SLC43A1: variants seen among roughly 807,000 people sequenced by gnomAD.
The protein encoded by SLC43A1 is large neutral amino acids transporter small subunit 3.
Under a neutral mutation model 59.5 loss-of-function variants are expected in SLC43A1, and 31 were observed. That is an observed-to-expected ratio of 0.52 (90% CI 0.39 to 0.70). The LOEUF is 0.70. SLC43A1 is among the 30% of genes least tolerant of loss of function. SLC43A1 has a pLI of 0.00. For missense variants in SLC43A1, 598 were observed against 717.8 expected (o/e 0.83, Z 1.91); for synonymous variants, 259 against 290.9 (o/e 0.89, Z 1.12).
At chr11:57,492,536 G>GTATATA (rs71061509) in intron 8 of SLC43A1, among the ~76,000 whole-genome samples, 87 of 79,826 alleles carry the variant, frequency 1.1e-3, no homozygotes, top group African/African-American at 3.0e-3. Flanking sequence ...ATAATTTTGT[G>GTATATA]TATATATATA....
intron 7 of SLC43A1, chr11:57,494,463 C>G (rs1944018569): frequency 2.4e-6 from 1 of 423,162 alleles, no homozygotes. Context: ...CAGCCTGCGT[C>G]CAACCTAAGA....
At position 57,506,299 on chromosome 11, in the gene SLC43A1, C is replaced by T. The variant is rs573921058; in HGVS notation, c.155-4970G>A. On this transcript the variant is annotated intron_variant, in intron 2 of 14. Transcript: ENST00000278426. ...AGGTGGAGGACGCAATGAGCTGAGACCACACCATTGCAGTCCAGCTTGGGT... is the reference window on the plus strand; with the variant it reads ...AGGTGGAGGACGCAATGAGCTGAGATCACACCATTGCAGTCCAGCTTGGGT... Among the ~76,000 whole-genome samples the T allele has an allele frequency of 3.3e-5, 5 of 151,716 alleles. No individual in the cohort carries two copies. In the East Asian group the frequency reaches 7.8e-4, roughly 24 times the overall value.
intron 2 of SLC43A1, among the ~76,000 whole-genome samples, chr11:57,508,769 GACAGAGTGAGAC>G (rs1337740418): frequency 6.6e-6 from 1 of 151,992 alleles, no homozygotes; most frequent in Admixed American, 6.6e-5. Context: ...CTGCCTAGCT[GACAGAGTGAGAC>G]CCTATCTCAA....
chr11:57,497,982 G>A, intron 5 of SLC43A1, 137 bp from the exon 6 acceptor site: 1 of 624,196 alleles, frequency 1.6e-6, no homozygotes, highest in South Asian at 2.2e-5. Flanking sequence ...AATCAATGTG[G>A]GAAACTGTAC....
chr11:57,485,553 C>T (rs113867787), intron 14 of SLC43A1, among the ~76,000 whole-genome samples: 2 of 152,136 alleles, frequency 1.3e-5, no homozygotes, highest in Non-Finnish European at 2.9e-5. Flanking sequence ...AGGCTGCTCC[C>T]GAAATGGGGC....
intron 14 of SLC43A1, 100 bp downstream of exon 14, chr11:57,486,995 C>T: frequency 7.5e-7 from 1 of 1,341,074 alleles, no homozygotes; most frequent in Non-Finnish European, 1.1e-6. Context: ...TCTGAGGTGC[C>T]TCTGGCTGAG....
chr11:57,505,940 C>T (rs1357382295), intron 2 of SLC43A1, among the ~76,000 whole-genome samples: 1 of 152,198 alleles, frequency 6.6e-6, no homozygotes, highest in African/African-American at 2.4e-5. Context: ...CACATACACA[C>T]ACAGCGAACA....
Position 57,497,862 on chromosome 11 carries a change from G to T in SLC43A1, c.466-17C>A. 2 of 1,604,158 alleles carry T rather than the reference G, an allele frequency of 1.2e-6. No individual in the cohort carries two copies. Among genetic ancestry groups the T allele is most frequent in the Middle Eastern group, 2.0e-4 (1 of 5,092 alleles). On this transcript the variant is annotated splice_polypyrimidine_tract_variant and intron_variant, in intron 5 of 14. Transcript: ENST00000278426. ...GTTGGGCAGCTGAGGAGGGAAAGCA[G>T]CACCCATGAGGTGGGGACACCGTGA... is the stretch of plus-strand genomic sequence containing the variant.
chr11:57,491,105 AC>A (rs1400762669), intron 11 of SLC43A1, 118 bp downstream of exon 11: 1 of 1,252,334 alleles, frequency 8.0e-7, no homozygotes, highest in Non-Finnish European at 1.1e-6. Context: ...ATGGGGAGGT[AC>A]CCCTGATCTC....
chr11:57,512,368 G>A (rs1944570178), intron 2 of SLC43A1, among the ~76,000 whole-genome samples: 2 of 152,034 alleles, frequency 1.3e-5, no homozygotes, highest in Non-Finnish European at 1.5e-5. Flanking sequence ...GAGCCGGGTG[G>A]GTGACTTGAG....
In SLC43A1 at chr11:57,493,993, T is replaced by A; in HGVS notation, c.871A>T (p.Arg291Trp). Residue 291 changes from arginine (R) to tryptophan (W), a missense_variant and splice_region_variant, in exon 8 of 15, where the codon AGG (arginine) becomes TGG (tryptophan). Physicochemically the swap from Arg to Trp is moderately radical, Grantham distance 101 (BLOSUM62 -3). Coordinates refer to ENST00000278426, the MANE Select transcript of SLC43A1 (RefSeq NM_003627.6). ...VRGTSENLPE[R>W]SVPLRKSLCS... ...GCCGGCACCTTGACCAGACACTCAC[T>A]CTCAGGAAGGTTTTCTGAGGTGCCC... 6.3e-7 allele frequency: 1 copy of A among 1,587,448 alleles called. No homozygotes were observed. Among genetic ancestry groups the A allele is most frequent in the Non-Finnish European group, 8.6e-7 (1 of 1,168,376 alleles).
chr11:57,491,160 C>A, intron 11 of SLC43A1, 64 bp downstream of exon 11: 2 of 1,467,768 alleles, frequency 1.4e-6, no homozygotes, highest in Non-Finnish European at 1.8e-6. Flanking sequence ...GATGTAAACG[C>A]ACAGAGAAAA....
intron 2 of SLC43A1, among the ~76,000 whole-genome samples, chr11:57,512,321 G>C (rs1489207373): frequency 9.2e-5 from 14 of 152,164 alleles, no homozygotes; most frequent in Admixed American, 9.2e-4. Flanking sequence ...GCCAAGAGTG[G>C]TGGCTCATGT....
chr11:57,504,153 C>T (rs1944338665), intron 2 of SLC43A1, among the ~76,000 whole-genome samples: 1 of 152,042 alleles, frequency 6.6e-6, no homozygotes, highest in Non-Finnish European at 1.5e-5. Context: ...GCCGAGATCG[C>T]GCCACTGCAC....
intron 6 of SLC43A1, among the ~76,000 whole-genome samples, chr11:57,497,545 CAG>C (rs1944122897): frequency 6.6e-6 from 1 of 152,188 alleles, no homozygotes; most frequent in South Asian, 2.1e-4. Context: ...ACGTGAGTGA[CAG>C]AGTACAGAGA....
chr11:57,513,691 C>T (rs973585451), intron 2 of SLC43A1, among the ~76,000 whole-genome samples: 4 of 152,218 alleles, frequency 2.6e-5, no homozygotes, highest in Non-Finnish European at 4.4e-5. Context: ...AGACCTGAGG[C>T]TGTCAGAGGC....
intron 13 of SLC43A1, 49 bp downstream of exon 13, chr11:57,488,867 T>C (rs763562419): frequency 1.3e-6 from 2 of 1,515,860 alleles, no homozygotes; most frequent in South Asian, 2.2e-5. Context: ...TGGGGTTCTC[T>C]GATCACGGTT....
Position 57,514,824 on chromosome 11 carries a change from T to C in SLC43A1, c.-14+620A>G. 2 of 985,446 alleles carry C rather than the reference T, an allele frequency of 2.0e-6. No individual in the cohort carries two copies. Among genetic ancestry groups the C allele is most frequent in the Non-Finnish European group, 2.4e-6 (2 of 830,036 alleles). 61.0% of individuals were successfully genotyped at this position (985,446 alleles called of 1,614,324 possible). On this transcript the variant is annotated intron_variant, in intron 1 of 14. Transcript: ENST00000278426. The surrounding 1 kb of genome is among the most constrained non-coding windows in gnomAD (Gnocchi z 5.5). The stretch of plus-strand genomic sequence containing the variant: ...CCAGGCTTTGCACCTCGGAACCCGC[T>C]TGCCCCCCTCCAGCCCCGGGAGGGG...
chr11:57,501,273 G>C lies in SLC43A1; in HGVS notation c.211C>G (p.Gln71Glu). The C allele has an allele frequency of 6.2e-7, 1 of 1,612,206 alleles. No homozygotes were observed. The highest frequency in any genetic ancestry group is 8.5e-7 in the Non-Finnish European group (1 of 1,180,020). ...CCCAGGTTGAGCATCTCGTCCTGCT[G>C]GTCACAGCCTGGCCACCTGCGCTGC... ...DEQRRWPGCD[Q>E]QDEMLNLGFT... is the part of the protein sequence containing the mutation. The change falls in exon 3 of 15, where the codon CAG (glutamine) becomes GAG (glutamate). Residue 71 changes from glutamine to glutamate, a missense_variant. By Grantham distance (29) the Gln-to-Glu change is conservative (BLOSUM62 2). Coordinates refer to ENST00000278426, the MANE Select transcript of SLC43A1 (RefSeq NM_003627.6).
Sources: gnomAD v4.1 joint callset for allele counts (sites outside exome capture counted in the v4.1 genomes callset) on GRCh38, gnomAD v4.1.1 for gene constraint, Gnocchi (gnomAD v3.1) non-coding constraint, MANE v1.5 for transcripts, NCBI Gene and HGNC (gene_info 2026-07-23, HGNC 2026-07-21) for gene names.